The following MSRB3 variants were observed in gnomAD, a reference collection of about 807,000 sequenced individuals.
MSRB3 encodes methionine sulfoxide reductase B3.
Under a neutral mutation model 21.0 loss-of-function variants are expected in MSRB3, and 13 were observed. The observed-to-expected ratio is 0.62, with a 90% CI of 0.40 to 0.98. The LOEUF (loss-of-function observed/expected upper bound fraction) is 0.98, where lower values mean the gene tolerates loss of function less well. MSRB3 is among the 50% of genes least tolerant of loss of function. The probability of loss-of-function intolerance (pLI) is 0.00; values close to 1 mark genes in which losing one functional copy is unlikely to be tolerated. For synonymous variants in MSRB3, 87 were observed against 88.6 expected (o/e 0.98, Z 0.10); for missense variants, 199 against 230.3 (o/e 0.86, Z 0.88).
At chr12:65,314,196 T>C (rs1454267079) in intron 2 of MSRB3, among the ~76,000 whole-genome samples, 1 of 152,182 alleles carries the variant, frequency 6.6e-6, no homozygotes, top group East Asian at 1.9e-4. Flanking sequence ...AATTATCTTG[T>C]ATCCAAATAG....
rs371988853 is a variant in MSRB3, at chr12:65,329,151, G to C, written c.263+548G>C. Reference sequence around the variant, plus strand: ...AATCTTTATTTTAAAGATCCCAACAGTTTACCATAAAACAGGCAGCACACT... The same window carrying C: ...AATCTTTATTTTAAAGATCCCAACACTTTACCATAAAACAGGCAGCACACT... On this transcript the variant is annotated intron_variant, in intron 4 of 6. Coordinates refer to ENST00000308259, the MANE Select transcript of MSRB3 (RefSeq NM_001031679.3). Among the ~76,000 whole-genome samples, 33 of 152,258 alleles carry C rather than the reference G, an allele frequency of 2.2e-4. No individual in the cohort carries two copies. In the East Asian group the frequency reaches 2.5e-3, roughly 12 times the overall value.
At chr12:65,414,424 TATC>T (rs1880870433) in intron 5 of MSRB3, among the ~76,000 whole-genome samples, 2 of 152,188 alleles carry the variant, frequency 1.3e-5, no homozygotes, top group African/African-American at 4.8e-5. Context: ...AAGATTATAA[TATC>T]ATATTTTTGC....
intron 5 of MSRB3, among the ~76,000 whole-genome samples, chr12:65,399,380 A>G (rs1879993874): frequency 6.6e-6 from 1 of 152,048 alleles, no homozygotes; most frequent in Non-Finnish European, 1.5e-5. Context: ...TGTGAATGGG[A>G]GTTCACTCAT....
intron 5 of MSRB3, among the ~76,000 whole-genome samples, chr12:65,391,950 A>G (rs1004170078): frequency 1.3e-5 from 2 of 152,150 alleles, no homozygotes; most frequent in Non-Finnish European, 1.5e-5. Context: ...AGTTCCTTGA[A>G]TGATAAAACT....
chr12:65,446,174 T>C (rs531766042), intron 5 of MSRB3, among the ~76,000 whole-genome samples: 1 of 152,224 alleles, frequency 6.6e-6, no homozygotes, highest in African/African-American at 2.4e-5. Flanking sequence ...AGGGAAGAAA[T>C]ACAGAAATTC....
intron 5 of MSRB3, among the ~76,000 whole-genome samples, chr12:65,412,458 A>T (rs994030119): frequency 8.7e-4 from 133 of 152,204 alleles, no homozygotes; most frequent in African/African-American, 3.1e-3. Context: ...AGTTGGGCTC[A>T]ATAGTTAAGA....
chr12:65,461,260 C>T lies in MSRB3; in HGVS notation c.391-1895C>T, dbSNP rs147676927. ...GGCAGAAATGGGTGTTTCCTGTGTC[C>T]GTTGGGCAAGCATATGTATTTTTAC... On this transcript the variant is annotated intron_variant, in intron 6 of 6. Coordinates refer to ENST00000308259, the MANE Select transcript of MSRB3 (RefSeq NM_001031679.3). 3.2e-3 allele frequency among the ~76,000 whole-genome samples: 480 copies of T among 152,218 alleles called. 7 individuals are homozygous for T. The East Asian group carries it at 0.043, about 14-fold the overall frequency.
intron 5 of MSRB3, among the ~76,000 whole-genome samples, chr12:65,376,391 T>C (rs1000868479): frequency 6.6e-6 from 1 of 152,194 alleles, no homozygotes; most frequent in Non-Finnish European, 1.5e-5. Context: ...AGTGCTGGGA[T>C]TGTCATTTTT....
intron 4 of MSRB3, among the ~76,000 whole-genome samples, chr12:65,338,004 G>C (rs1021739056): frequency 2.0e-5 from 3 of 152,052 alleles, no homozygotes; most frequent in Non-Finnish European, 4.4e-5. Flanking sequence ...CATTACACGG[G>C]CATTGGATTT....
chr12:65,306,826 T>C (rs1359949555), intron 1 of MSRB3: 1 of 985,328 alleles, frequency 1.0e-6, no homozygotes, highest in Admixed American at 6.2e-5. Flanking sequence ...CAGGTTTTAA[T>C]TGTAGAATGC....
At chr12:65,304,117 A>G (rs768178195) in intron 1 of MSRB3, among the ~76,000 whole-genome samples, 1 of 152,182 alleles carries the variant, frequency 6.6e-6, no homozygotes, top group Non-Finnish European at 1.5e-5. Flanking sequence ...GGGGTTTTGT[A>G]TGATGAGAAA....
chr12:65,297,222 G>T (rs1190377216), intron 1 of MSRB3, among the ~76,000 whole-genome samples: 1 of 152,054 alleles, frequency 6.6e-6, no homozygotes, highest in Non-Finnish European at 1.5e-5. Context: ...CCTGTTGGAG[G>T]GTGGGGTGAG....
chr12:65,388,752 T>A (rs1879319590), intron 5 of MSRB3, among the ~76,000 whole-genome samples: 1 of 152,014 alleles, frequency 6.6e-6, no homozygotes, highest in East Asian at 1.9e-4. Flanking sequence ...GTGCCTGTAG[T>A]CCCAGTTACT....
Position 65,328,509 on chromosome 12 carries a change from A to T in MSRB3, c.186-17A>T. On this transcript the variant is annotated splice_polypyrimidine_tract_variant and intron_variant, in intron 3 of 6. Coordinates refer to ENST00000308259, the MANE Select transcript of MSRB3 (RefSeq NM_001031679.3). ...AATGCTAACTTTAATTTTTTAAATG[A>T]TCTGTTTATTTATCAGTGCCTTTGA... 6.5e-7 allele frequency: 1 copy of T among 1,543,376 alleles called. No individual in the cohort carries two copies. Among genetic ancestry groups the T allele is most frequent in the Non-Finnish European group, 9.0e-7 (1 of 1,116,292 alleles).
chr12:65,432,142 A>G (rs1321601630), intron 5 of MSRB3, among the ~76,000 whole-genome samples: 1 of 152,056 alleles, frequency 6.6e-6, no homozygotes, highest in Non-Finnish European at 1.5e-5. Context: ...TCTATAAAAC[A>G]CAAAGGAATA....
chr12:65,432,950 TA>T (rs1881953182), intron 5 of MSRB3, among the ~76,000 whole-genome samples: 1 of 151,966 alleles, frequency 6.6e-6, no homozygotes, highest in Non-Finnish European at 1.5e-5. Context: ...TCCCTTAGGA[TA>T]GCTATTATTA....
At chr12:65,325,803 CAAAG>C (rs1874987379) in intron 2 of MSRB3, among the ~76,000 whole-genome samples, 1 of 152,116 alleles carries the variant, frequency 6.6e-6, no homozygotes, top group Non-Finnish European at 1.5e-5. Context: ...TGATGGATGG[CAAAG>C]AAAAGCAATT....
intron 6 of MSRB3, among the ~76,000 whole-genome samples, chr12:65,456,145 A>G (rs1462050369): frequency 1.3e-5 from 2 of 152,370 alleles, no homozygotes; most frequent in Non-Finnish European, 2.9e-5. Flanking sequence ...TTAGGTACAC[A>G]GTATTTAGTA....
At chr12:65,354,580 T>A (rs1166945951) in intron 4 of MSRB3, among the ~76,000 whole-genome samples, 2 of 151,940 alleles carry the variant, frequency 1.3e-5, no homozygotes, top group Admixed American at 1.3e-4. Context: ...CTCCATCAGG[T>A]CCTTTAAGGA....
Sources: gnomAD v4.1 joint callset for allele counts (sites outside exome capture counted in the v4.1 genomes callset) on GRCh38, gnomAD v4.1.1 for gene constraint, MANE v1.5 for transcripts, NCBI Gene and HGNC (gene_info 2026-07-23, HGNC 2026-07-21) for gene names.